The following CDC42BPB variants were observed in gnomAD, a reference collection of about 807,000 sequenced individuals.
CDC42BPB encodes CDC42 binding protein kinase beta.
CDC42BPB carries 37 observed loss-of-function variants against 214.9 expected under a neutral mutation model. That is an observed-to-expected ratio of 0.17 (90% confidence interval 0.13 to 0.23). The LOEUF is 0.23. CDC42BPB is among the 10% of genes least tolerant of loss of function. CDC42BPB has a pLI of 1.00. For missense variants in CDC42BPB, 1,694 were observed against 2,227.0 expected, an observed-to-expected ratio of 0.76 and a Z score of 4.82; for synonymous variants, 931 against 884.0, an observed-to-expected ratio of 1.05 and a Z score of -0.94.
chr14:103,011,931 C>T (rs1886180889), intron 2 of CDC42BPB, among the ~76,000 whole-genome samples, 166 bp downstream of exon 2: 1 of 152,134 alleles, frequency 6.6e-6, no homozygotes, highest in South Asian at 2.1e-4. Flanking sequence ...GCCTGGGCAA[C>T]ATGGTGAGAC....
chr14:103,036,483 GCTT>G (rs1887673924), intron 1 of CDC42BPB, among the ~76,000 whole-genome samples: 1 of 152,040 alleles, frequency 6.6e-6, no homozygotes, highest in African/African-American at 2.4e-5. Context: ...AAGACTGAAA[GCTT>G]CTTAATTTTT....
intron 10 of CDC42BPB, 26 bp from the exon 11 acceptor site, chr14:102,975,829 G>A (rs754374778): frequency 1.9e-6 from 3 of 1,614,022 alleles, no homozygotes; most frequent in South Asian, 1.1e-5. Flanking sequence ...ACAGCGTGAG[G>A]TGCAGCCTGG....
chr14:103,003,542 C>G lies in CDC42BPB; in HGVS notation c.447+386G>C, dbSNP rs563679046. Among the ~76,000 whole-genome samples the G allele has an allele frequency of 3.9e-5, 6 of 152,338 alleles. No individual in the cohort carries two copies. In the South Asian group the frequency reaches 1.0e-3, roughly 26 times the overall value. ...GGAAGACAGGAGGACTGCAGGCCCA[C>G]GAGAGGCACTCCCGGACTCAGCCCT... On this transcript the variant is annotated intron_variant, in intron 4 of 36. Coordinates refer to ENST00000361246, the MANE Select transcript of CDC42BPB (RefSeq NM_006035.4).
At chr14:103,010,598 A>G in intron 2 of CDC42BPB, among the ~76,000 whole-genome samples, 1 of 152,246 alleles carries the variant, frequency 6.6e-6, no homozygotes, top group East Asian at 1.9e-4. Flanking sequence ...TGCTGTGGGC[A>G]GAGCACACCT....
At chr14:102,972,743 A>G (rs1893541069) in intron 12 of CDC42BPB, among the ~76,000 whole-genome samples, 1 of 127,370 alleles carries the variant, frequency 7.9e-6, no homozygotes, top group East Asian at 2.3e-4. Context: ...AAAAAAAAAA[A>G]AGCCCCACAA....
intron 1 of CDC42BPB, among the ~76,000 whole-genome samples, chr14:103,017,516 C>T (rs936021981): frequency 1.3e-4 from 19 of 151,968 alleles, no homozygotes; most frequent in African/African-American, 4.4e-4. Context: ...GCAATCAGAG[C>T]GGCCAGCATC....
rs1407316427 is a variant in CDC42BPB at position 102,944,391 on chromosome 14, A to G, written c.3908T>C (p.Val1303Ala). Residue 1303 changes from valine (V) to alanine (A), a missense_variant, in exon 30 of 37, where the codon GTG becomes GCG. Coordinates refer to ENST00000361246, the MANE Select transcript of CDC42BPB (RefSeq NM_006035.4). The surrounding 1 kb of genome is among the most constrained non-coding windows in gnomAD (Gnocchi z 6.6). ...AAGGGACGACCACGGATAGAGGTGC[A>G]CATGGTGGTTCCGGCCACAGAGGAG... ...VILLCGRNHH[V>A]HLYPWSSLDG... 1 of 1,613,138 alleles carries G rather than the reference A, an allele frequency of 6.2e-7. No homozygotes were observed. The highest frequency in any genetic ancestry group is 8.5e-7 in the Non-Finnish European group (1 of 1,180,006).
rs530016892 is a variant in CDC42BPB, at chr14:103,003,785, A to G, written c.447+143T>C. ...AGTTCTACCTGACAATTACTGCATG[A>G]AAACAAGCCCCGCCGTTTTATCGAG... is the stretch of plus-strand genomic sequence containing the variant. On this transcript the variant is annotated intron_variant, in intron 4 of 36. Transcript: ENST00000361246. The G allele has an allele frequency of 4.2e-4, 235 of 556,708 alleles. No individual in the cohort carries two copies. In the East Asian group the frequency reaches 7.5e-3, roughly 18 times the overall value. 34.5% of individuals were successfully genotyped at this position (556,708 alleles called of 1,614,324 possible). A position where few individuals can be genotyped will look rare whatever the true frequency, so the allele number is the denominator to read the frequency against.
At chr14:103,017,543 G>A (rs911806394) in intron 1 of CDC42BPB, among the ~76,000 whole-genome samples, 2 of 151,960 alleles carry the variant, frequency 1.3e-5, no homozygotes, top group Admixed American at 6.6e-5. Context: ...GTGATGAGAC[G>A]CAACCGCACA....
intron 1 of CDC42BPB, among the ~76,000 whole-genome samples, chr14:103,036,362 A>G (rs1887667476): frequency 6.6e-6 from 1 of 151,844 alleles, no homozygotes; most frequent in South Asian, 2.1e-4. Flanking sequence ...TCACCATGTT[A>G]GCCAGGATGG....
chr14:103,033,900 TG>T (rs1887527338), intron 1 of CDC42BPB, among the ~76,000 whole-genome samples: 1 of 152,194 alleles, frequency 6.6e-6, no homozygotes, highest in South Asian at 2.1e-4. Flanking sequence ...CCACGCCTGG[TG>T]TATTTGCCAT....
intron 1 of CDC42BPB, among the ~76,000 whole-genome samples, chr14:103,036,664 A>G (rs1362811839): frequency 1.3e-5 from 2 of 152,244 alleles, no homozygotes; most frequent in Non-Finnish European, 2.9e-5. Flanking sequence ...ATAAAATGCC[A>G]CAGCTAAGCA....
chr14:102,940,432 A>G (rs1198664926), intron 30 of CDC42BPB, 108 bp from the exon 31 acceptor site: 2 of 1,523,050 alleles, frequency 1.3e-6, no homozygotes, highest in Admixed American at 4.1e-5. Flanking sequence ...AGGCGGCAGC[A>G]CTGCCCTCAG....
intron 1 of CDC42BPB, among the ~76,000 whole-genome samples, chr14:103,025,591 G>A (rs1309192475): frequency 6.6e-6 from 1 of 151,988 alleles, no homozygotes; most frequent in Non-Finnish European, 1.5e-5. Flanking sequence ...GCCGAGGCGG[G>A]TGGATCACCT....
At chr14:103,041,811 G>A (rs1888018160) in intron 1 of CDC42BPB, 3 of 413,900 alleles carry the variant, frequency 7.2e-6, no homozygotes, top group Middle Eastern at 7.7e-4. Flanking sequence ...AGGTGCGGCG[G>A]CTGAAGGAGC....
Position 102,940,321 on chromosome 14 carries a change from C to T in CDC42BPB, c.4412G>A (p.Cys1471Tyr). 2 of 1,567,502 alleles carry T rather than the reference C, an allele frequency of 1.3e-6. No individual in the cohort carries two copies. Among genetic ancestry groups the T allele is most frequent in the Non-Finnish European group, 1.7e-6 (2 of 1,156,434 alleles). Residue 1471 changes from cysteine to tyrosine, a missense_variant, in exon 31 of 37, where the codon TGC (cysteine) becomes TAC (tyrosine). By Grantham distance (194) the Cys-to-Tyr change is radical (BLOSUM62 -2). Transcript: ENST00000361246. Reference protein sequence around the residue: ...MWPAAPVACSCSPTHVTVYSE... With the variant: ...MWPAAPVACSYSPTHVTVYSE... The stretch of plus-strand genomic sequence containing the variant: ...GTACACCGTGACGTGGGTGGGGCTG[C>T]AACCTAGCGCAGACGGAGCAGGGCG...
chr14:103,048,874 CA>C lies in CDC42BPB; in HGVS notation c.175+8124del, dbSNP rs974412353. Among the ~76,000 whole-genome samples the C allele has an allele frequency of 1.6e-3, 203 of 130,702 alleles. 1 individual carries two copies. The highest frequency in any genetic ancestry group is 0.011 in the East Asian group (53 of 4,636). The allele number at this position is 130,702 out of a possible 152,430, so 85.7% of individuals were successfully genotyped here. On this transcript the variant is annotated intron_variant, in intron 1 of 36. Transcript: ENST00000361246. ...GGGCAACAGAATGAGCCTCCATCTC[CA>C]AAAAAAAAAAAATTTACTCCATGGG...
chr14:103,045,663 T>C lies in CDC42BPB; in HGVS notation c.175+11336A>G, dbSNP rs142973466. 5.4e-4 allele frequency among the ~76,000 whole-genome samples: 82 copies of C among 152,256 alleles called. 1 individual carries two copies. The East Asian group carries it at 0.01, about 19-fold the overall frequency. On this transcript the variant is annotated intron_variant, in intron 1 of 36. Coordinates refer to ENST00000361246, the MANE Select transcript of CDC42BPB (RefSeq NM_006035.4). The stretch of plus-strand genomic sequence containing the variant: ...CCTGTCGTCCCATTTCCTCCTTCTA[T>C]TCATGGGGGACTCTTTCAAGTAAGT...
At chr14:102,974,172 T>C (rs1893625076) in intron 11 of CDC42BPB, 23 bp from the exon 12 acceptor site, 4 of 1,611,566 alleles carry the variant, frequency 2.5e-6, no homozygotes, top group African/African-American at 2.7e-5. Flanking sequence ...GGAAATAAAC[T>C]CTGTTCCTTT....
Sources: gnomAD v4.1 joint callset for allele counts (sites outside exome capture counted in the v4.1 genomes callset) on GRCh38, gnomAD v4.1.1 for gene constraint, Gnocchi (gnomAD v3.1) non-coding constraint, MANE v1.5 for transcripts, NCBI Gene and HGNC (gene_info 2026-07-23, HGNC 2026-07-21) for gene names.